The following ISM1 variants were observed in gnomAD, a reference collection of about 807,000 sequenced individuals.
ISM1 encodes isthmin 1.
Under a neutral mutation model 46.3 loss-of-function variants are expected in ISM1, and 25 were observed. That is an observed-to-expected ratio of 0.54 (90% CI 0.39 to 0.75). The LOEUF (loss-of-function observed/expected upper bound fraction) is 0.75, where lower values mean the gene tolerates loss of function less well. Among genes scored for constraint, ISM1 ranks in the 30% least tolerant of loss-of-function variants. ISM1 has a pLI of 0.00. For missense variants in ISM1, 536 were observed against 625.4 expected (o/e 0.86, Z 1.52); for synonymous variants, 255 against 256.7 (o/e 0.99, Z 0.06).
chr20:13,290,677 A>G (rs541026965), intron 4 of ISM1, among the ~76,000 whole-genome samples: 51 of 152,306 alleles, frequency 3.3e-4, no homozygotes, highest in Middle Eastern at 3.4e-3. Context: ...AAAGAAAGAA[A>G]GAAAATGAAG....
intron 4 of ISM1, among the ~76,000 whole-genome samples, chr20:13,292,140 T>A (rs16993907): frequency 0.018 from 2,689 of 152,326 alleles, 76 homozygotes; most frequent in African/African-American, 0.062. Flanking sequence ...TTCCTAGGAC[T>A]TATTCAGGCA....
chr20:13,305,225 A>G (rs2040491090), downstream of ISM1, among the ~76,000 whole-genome samples: 1 of 150,460 alleles, frequency 6.6e-6, no homozygotes, highest in South Asian at 2.1e-4. Flanking sequence ...AAAAACCCTT[A>G]ATTTTTATTA....
At chr20:13,228,187 G>A (rs1022052344) in intron 1 of ISM1, among the ~76,000 whole-genome samples, 13 of 151,310 alleles carry the variant, frequency 8.6e-5, no homozygotes, top group African/African-American at 3.2e-4. Context: ...TGGCCAGGCT[G>A]GTCTCGAACT....
At chr20:13,312,374 C>T in the ISM1 span, among the ~76,000 whole-genome samples, 1 of 152,170 alleles carries the variant, frequency 6.6e-6, no homozygotes, top group African/African-American at 2.4e-5. Flanking sequence ...TCCTTACTCA[C>T]TCACTCACAG....
At chr20:13,242,936 T>C (rs764186449) in intron 1 of ISM1, among the ~76,000 whole-genome samples, 11 of 152,208 alleles carry the variant, frequency 7.2e-5, no homozygotes, top group Non-Finnish European at 1.6e-4. Context: ...TGATTAATAT[T>C]GACTTATTTA....
chr20:13,243,089 T>C (rs2039748710), intron 1 of ISM1, among the ~76,000 whole-genome samples: 1 of 152,196 alleles, frequency 6.6e-6, no homozygotes, highest in Non-Finnish European at 1.5e-5. Context: ...GAGTCCATGC[T>C]TTTAATCACT....
the ISM1 span, among the ~76,000 whole-genome samples, chr20:13,323,898 A>T: frequency 6.6e-6 from 1 of 152,198 alleles, no homozygotes; most frequent in Non-Finnish European, 1.5e-5. Flanking sequence ...GACCAAAAAA[A>T]TTGTTAATAG....
chr20:13,262,840 C>T (rs1322896889), intron 1 of ISM1, among the ~76,000 whole-genome samples: 1 of 152,150 alleles, frequency 6.6e-6, no homozygotes, highest in East Asian at 1.9e-4. Context: ...CAAAGAGTTG[C>T]CCATTCTTCA....
chr20:13,289,188 ACAATGT>A, intron 4 of ISM1, among the ~76,000 whole-genome samples: 1 of 152,310 alleles, frequency 6.6e-6, no homozygotes, highest in East Asian at 1.9e-4. Flanking sequence ...GACCTAAAAG[ACAATGT>A]CGCATTGTAC....
downstream of ISM1, among the ~76,000 whole-genome samples, chr20:13,304,447 G>A (rs944792903): frequency 5.3e-5 from 8 of 152,122 alleles, no homozygotes; most frequent in East Asian, 1.3e-3. Flanking sequence ...ATAAATTGGG[G>A]TAAGTCCACC....
chr20:13,317,263 AC>A, the ISM1 span, among the ~76,000 whole-genome samples: 1 of 151,868 alleles, frequency 6.6e-6, no homozygotes, highest in Admixed American at 6.6e-5. Context: ...ACAAAACAAA[AC>A]AAAAAAGCTA....
Position 13,299,002 on chromosome 20 carries a change from A to G in ISM1, c.938A>G (p.His313Arg), listed in dbSNP as rs1171673863. 1.2e-6 allele frequency: 2 copies of G among 1,613,520 alleles called. No individual in the cohort carries two copies. The highest frequency in any genetic ancestry group is 1.7e-6 in the Non-Finnish European group (2 of 1,179,786). The change falls in exon 6 of 6, where the codon CAC becomes CGC. Residue 313 changes from histidine (H) to arginine (R), a missense_variant. By Grantham distance (29) the His-to-Arg change is conservative. Coordinates refer to ENST00000262487, the MANE Select transcript of ISM1 (RefSeq NM_080826.2). The surrounding 1 kb of genome is among the most constrained non-coding windows in gnomAD (Gnocchi z 5.8). Reference protein sequence around the residue: ...CKSEFLKKYMHKVMNDLPSCP... With the variant: ...CKSEFLKKYMRKVMNDLPSCP... ...AGCGAGTTCTTAAAGAAGTACATGC[A>G]CAAGGTGATGAATGACCTGCCCAGC... is the stretch of plus-strand genomic sequence containing the variant.
At chr20:13,265,091 A>T (rs1328239690) in intron 1 of ISM1, among the ~76,000 whole-genome samples, 1 of 152,186 alleles carries the variant, frequency 6.6e-6, no homozygotes, top group Non-Finnish European at 1.5e-5. Flanking sequence ...ATATGAAAAC[A>T]GCAGGTGTCT....
chr20:13,312,462 A>C, the ISM1 span, among the ~76,000 whole-genome samples: 1 of 152,212 alleles, frequency 6.6e-6, no homozygotes, highest in East Asian at 1.9e-4. Context: ...ACGCCCTGCA[A>C]CTTCTCCCTT....
At position 13,279,699 on chromosome 20, in the gene ISM1, G is replaced by C; in HGVS notation, c.444G>C (p.Lys148Asn). 1 of 1,614,002 alleles carries C rather than the reference G, an allele frequency of 6.2e-7. No homozygotes were observed. The highest frequency in any genetic ancestry group is 8.5e-7 in the Non-Finnish European group (1 of 1,179,894). ...EADKDQHPEN[K>N]PSWSVPSPDW... The stretch of plus-strand genomic sequence containing the variant: ...ATAAAGATCAGCATCCGGAGAATAA[G>C]CCCAGCTGGTCAGTCCCATCCCCCG... The change falls in exon 3 of 6, where the codon AAG becomes AAC. Residue 148 changes from lysine (K) to asparagine (N), a missense_variant. Lys to Asn is a moderately conservative substitution (Grantham distance 94). This residue lies in a region of ISM1 where 367 missense variants were observed against 376.1 expected (regional missense o/e 0.98). Transcript: ENST00000262487.
intron 1 of ISM1, among the ~76,000 whole-genome samples, chr20:13,247,514 A>AGGG (rs201388699): frequency 3.0e-4 from 38 of 127,410 alleles, no homozygotes; most frequent in African/African-American, 4.9e-4. Context: ...CAGCAAAGTG[A>AGGG]GGGGTGTGTG....
Position 13,299,468 on chromosome 20 carries a change from G to A in ISM1, c.*9G>A. ...AGGCCAGGGAATATTAAAGAGACTG[G>A]GATGAGGTGGAGGACGCTGCCTCTG... On this transcript the variant is annotated 3_prime_UTR_variant, in exon 6 of 6. Coordinates refer to ENST00000262487, the MANE Select transcript of ISM1 (RefSeq NM_080826.2). The surrounding 1 kb of genome is among the most constrained non-coding windows in gnomAD (Gnocchi z 5.8). The A allele has an allele frequency of 1.3e-6, 2 of 1,584,820 alleles. No homozygotes were observed.
At chr20:13,239,824 C>T (rs1437676357) in intron 1 of ISM1, 7 of 152,170 alleles carry the variant, frequency 4.6e-5, no homozygotes, top group Non-Finnish European at 7.3e-5. Context: ...AAGACCATAC[C>T]ATTCATTTAT....
At chr20:13,321,253 TAAA>T in the ISM1 span, among the ~76,000 whole-genome samples, 64 of 57,508 alleles carry the variant, frequency 1.1e-3, no homozygotes, top group African/African-American at 3.3e-3. Flanking sequence ...GTGCCCCACA[TAAA>T]AAAAAAAAAA....
Sources: gnomAD v4.1 joint callset for allele counts (sites outside exome capture counted in the v4.1 genomes callset) on GRCh38, gnomAD v4.1.1 for gene constraint, gnomAD v4.1.1 regional missense constraint, Gnocchi (gnomAD v3.1) non-coding constraint, MANE v1.5 for transcripts, NCBI Gene and HGNC (gene_info 2026-07-23, HGNC 2026-07-21) for gene names.